The following AQP7B variants were observed in gnomAD, a reference collection of about 807,000 sequenced individuals.
AQP7B encodes aquaporin 7B, also known as putative aquaporin-7B.
At chr2:94,589,658 C>T in the AQP7B span, among the ~76,000 whole-genome samples, 3 of 152,122 alleles carry the variant, frequency 2.0e-5, no homozygotes, top group Non-Finnish European at 4.4e-5. Context: ...AATAGTGCCC[C>T]TCTGTTGACA....
the AQP7B span, among the ~76,000 whole-genome samples, chr2:94,593,884 C>T: frequency 6.6e-6 from 1 of 152,128 alleles, no homozygotes; most frequent in African/African-American, 2.4e-5. Flanking sequence ...CTGTTACTCA[C>T]CTGTTTCATC....
At chr2:94,589,170 T>G in the AQP7B span, among the ~76,000 whole-genome samples, 815 of 151,370 alleles carry the variant, frequency 5.4e-3, 2 homozygotes, top group African/African-American at 0.011. Context: ...AGTTGTTGTT[T>G]TTTTTTTTTT....
the AQP7B span, among the ~76,000 whole-genome samples, chr2:94,596,180 A>G: frequency 6.6e-6 from 1 of 152,234 alleles, no homozygotes; most frequent in Non-Finnish European, 1.5e-5. Context: ...AGGGTTTGGC[A>G]ACGTGGAGGT....
At chr2:94,592,761 C>G in the AQP7B span, among the ~76,000 whole-genome samples, 2 of 143,604 alleles carry the variant, frequency 1.4e-5, no homozygotes, top group Non-Finnish European at 3.0e-5. Flanking sequence ...TGCAGTGAAG[C>G]AAACTGGTAT....
At chr2:94,591,143 G>T in the AQP7B span, among the ~76,000 whole-genome samples, 3 of 151,710 alleles carry the variant, frequency 2.0e-5, no homozygotes, top group East Asian at 1.9e-4. Context: ...TATGCCCATG[G>T]CTCAGATGAC....
the AQP7B span, among the ~76,000 whole-genome samples, chr2:94,593,786 C>T: frequency 3.9e-5 from 6 of 151,918 alleles, no homozygotes; most frequent in African/African-American, 1.5e-4. Context: ...GGGCCCAGCC[C>T]CTCTTCTTCC....
chr2:94,594,846 C>T, the AQP7B span: 5 of 1,554,012 alleles, frequency 3.2e-6, no homozygotes, highest in East Asian at 2.3e-5. Flanking sequence ...AGTTCTTGGC[C>T]GAGTTCATGA....
the AQP7B span, among the ~76,000 whole-genome samples, chr2:94,588,069 T>C: frequency 6.6e-6 from 1 of 151,908 alleles, no homozygotes; most frequent in Admixed American, 6.6e-5. Flanking sequence ...CTTCTGTGTG[T>C]GTGTGTGTGT....
the AQP7B span, among the ~76,000 whole-genome samples, chr2:94,597,185 G>A: frequency 6.6e-6 from 1 of 152,146 alleles, no homozygotes; most frequent in Non-Finnish European, 1.5e-5. Context: ...TGGCTCCTGA[G>A]CTGTGAGGAC....
the AQP7B span, among the ~76,000 whole-genome samples, chr2:94,597,040 G>A: frequency 6.6e-6 from 1 of 152,118 alleles, no homozygotes; most frequent in Non-Finnish European, 1.5e-5. Flanking sequence ...GAGGACTTGT[G>A]TGAAGAAGGC....
At chr2:94,602,464 C>A in the AQP7B span, 1 of 1,591,608 alleles carries the variant, frequency 6.3e-7, no homozygotes, top group Non-Finnish European at 8.6e-7. Context: ...TCTGGGCAGG[C>A]AGCCCCCTTA....
At chr2:94,598,796 GTATTT>G in the AQP7B span, among the ~76,000 whole-genome samples, 1 of 152,266 alleles carries the variant, frequency 6.6e-6, no homozygotes, top group African/African-American at 2.4e-5. Context: ...CACTCACCCA[GTATTT>G]TATTTTATTT....
the AQP7B span, among the ~76,000 whole-genome samples, chr2:94,599,727 T>C: frequency 6.6e-6 from 1 of 152,164 alleles, no homozygotes; most frequent in East Asian, 1.9e-4. Context: ...ATAAACATAC[T>C]GAAGTTTCTC....
chr2:94,604,176 C>A, the AQP7B span: 3 of 1,159,950 alleles, frequency 2.6e-6, no homozygotes, highest in South Asian at 4.5e-5. Flanking sequence ...GGGGGTGTTT[C>A]CTGGGGTAGC....
the AQP7B span, among the ~76,000 whole-genome samples, chr2:94,601,458 G>C: frequency 2.0e-5 from 3 of 152,194 alleles, no homozygotes; most frequent in Admixed American, 2.0e-4. Flanking sequence ...TAGCGCATCA[G>C]GCATAGCTGA....
the AQP7B span, among the ~76,000 whole-genome samples, chr2:94,598,627 A>T: frequency 1.3e-5 from 2 of 152,208 alleles, no homozygotes; most frequent in Non-Finnish European, 2.9e-5. Flanking sequence ...GGAGGGTGGA[A>T]TGCAGGCCAG....
the AQP7B span, among the ~76,000 whole-genome samples, chr2:94,590,388 A>C: frequency 6.6e-6 from 1 of 151,782 alleles, no homozygotes; most frequent in Non-Finnish European, 1.5e-5. Flanking sequence ...GGGTTCTGCC[A>C]TGTTGGCCAG....
chr2:94,602,786 T>G, the AQP7B span, among the ~76,000 whole-genome samples: 1 of 152,138 alleles, frequency 6.6e-6, no homozygotes, highest in Admixed American at 6.5e-5. Context: ...TGCCCCAGAT[T>G]CTTTCTGGGC....
the AQP7B span, among the ~76,000 whole-genome samples, chr2:94,597,148 ACTC>A: frequency 3.3e-5 from 5 of 150,830 alleles, no homozygotes; most frequent in East Asian, 3.9e-4. Flanking sequence ...GCCCTCCCCT[ACTC>A]CTCTCTTACC....
Sources: allele counts gnomAD v4.1 joint callset (sites outside exome capture counted in the v4.1 genomes callset), GRCh38; gene constraint gnomAD v4.1.1; transcripts MANE v1.5; gene names NCBI Gene and HGNC (gene_info 2026-07-23, HGNC 2026-07-21).